CERS6: variants seen among roughly 807,000 people sequenced by gnomAD.
CERS6 encodes the protein ceramide synthase 6.
Under a neutral mutation model 56.8 loss-of-function variants are expected in CERS6, and 26 were observed. That is an observed-to-expected ratio of 0.46 (90% CI 0.34 to 0.63). The LOEUF (loss-of-function observed/expected upper bound fraction) is 0.63, where lower values mean the gene tolerates loss of function less well. CERS6 is among the 30% of genes least tolerant of loss of function. CERS6 has a pLI of 0.01. For synonymous variants in CERS6, 164 were observed against 173.3 expected, an observed-to-expected ratio of 0.95 and a Z score of 0.42; for missense variants, 415 against 467.5, an observed-to-expected ratio of 0.89 and a Z score of 1.04.
At chr2:168,465,386 C>T (rs891551103) in intron 1 of CERS6, among the ~76,000 whole-genome samples, 1 of 152,150 alleles carries the variant, frequency 6.6e-6, no homozygotes, top group African/African-American at 2.4e-5. Flanking sequence ...GCTCTGGGGC[C>T]ACTTCACTAA....
intron 1 of CERS6, among the ~76,000 whole-genome samples, chr2:168,466,745 C>T (rs904998502): frequency 1.3e-5 from 2 of 152,176 alleles, no homozygotes; most frequent in African/African-American, 4.8e-5. Flanking sequence ...TTGGACCACT[C>T]CTGCCTTCTA....
intron 8 of CERS6, among the ~76,000 whole-genome samples, chr2:168,732,231 T>C (rs546414051): frequency 6.6e-6 from 1 of 152,334 alleles, no homozygotes; most frequent in African/African-American, 2.4e-5. Context: ...CCTGAAGCAC[T>C]GTTATAATGG....
chr2:168,651,947 A>G (rs1408098497), intron 4 of CERS6, among the ~76,000 whole-genome samples: 4 of 152,170 alleles, frequency 2.6e-5, no homozygotes, highest in Non-Finnish European at 5.9e-5. Context: ...TTGATAATTT[A>G]TTAGCTGGTA....
intron 8 of CERS6, among the ~76,000 whole-genome samples, chr2:168,727,578 C>T (rs1251240548): frequency 6.6e-6 from 1 of 151,706 alleles, no homozygotes; most frequent in Admixed American, 6.6e-5. Context: ...ACAGAGGAGA[C>T]TCAGTCATCC....
chr2:168,701,063 T>G (rs1304070712), intron 6 of CERS6, among the ~76,000 whole-genome samples: 1 of 152,130 alleles, frequency 6.6e-6, no homozygotes, highest in Admixed American at 6.5e-5. Context: ...GGCTCCCACT[T>G]CTAGCACAGT....
chr2:168,544,048 T>A (rs1168840649), intron 1 of CERS6, among the ~76,000 whole-genome samples: 1 of 152,216 alleles, frequency 6.6e-6, no homozygotes, highest in African/African-American at 2.4e-5. Flanking sequence ...ACTCACTGAG[T>A]ACCCACAGTG....
intron 3 of CERS6, among the ~76,000 whole-genome samples, chr2:168,616,191 A>G (rs1485999449): frequency 6.6e-6 from 1 of 152,242 alleles, no homozygotes; most frequent in East Asian, 1.9e-4. Context: ...GCCATTACCA[A>G]GCCAGCACTT....
chr2:168,495,405 C>T (rs143192020), intron 1 of CERS6, among the ~76,000 whole-genome samples: 3 of 152,288 alleles, frequency 2.0e-5, no homozygotes, highest in East Asian at 1.9e-4. Flanking sequence ...AAAGACTGGT[C>T]GGAGTTGTAA....
At chr2:168,511,703 C>T (rs1694790124) in intron 1 of CERS6, among the ~76,000 whole-genome samples, 1 of 152,062 alleles carries the variant, frequency 6.6e-6, no homozygotes, top group Non-Finnish European at 1.5e-5. Context: ...CTCAATTAAT[C>T]CTGTTTTTCT....
intron 8 of CERS6, among the ~76,000 whole-genome samples, chr2:168,720,809 C>T (rs1687345689): frequency 6.6e-6 from 1 of 152,098 alleles, no homozygotes; most frequent in African/African-American, 2.4e-5. Flanking sequence ...AAAAAAAGAA[C>T]AGTAACTCAA....
In CERS6 at chr2:168,774,218, T is replaced by C. The variant is rs1369577758; in HGVS notation, c.*4556T>C. The C allele has an allele frequency of 1.3e-5, 2 of 152,148 alleles. No homozygotes were observed. The highest frequency in any genetic ancestry group is 4.8e-5 in the African/African-American group (2 of 41,430). The allele number at this position is 152,148 out of a possible 1,614,324, so 9.4% of individuals were successfully genotyped here. On this transcript the variant is annotated 3_prime_UTR_variant, in exon 10 of 10. Coordinates refer to ENST00000305747, the MANE Select transcript of CERS6 (RefSeq NM_203463.3). ...TCCACAAAACTAGGCATTCTGGAGA[T>C]TGCCCAGAAAGGGATGTGAGGGGAC...
intron 8 of CERS6, among the ~76,000 whole-genome samples, chr2:168,745,324 G>C (rs189285410): frequency 1.4e-3 from 206 of 151,886 alleles, no homozygotes; most frequent in African/African-American, 4.0e-3. Context: ...TCACTGCAAG[G>C]TCCGCCTCCT....
intron 3 of CERS6, among the ~76,000 whole-genome samples, chr2:168,616,514 A>G (rs979627549): frequency 5.9e-5 from 9 of 152,254 alleles, no homozygotes; most frequent in African/African-American, 2.2e-4. Flanking sequence ...AAGGACTCAC[A>G]TAAACTTAAG....
chr2:168,744,147 A>G (rs1367664216), intron 8 of CERS6, among the ~76,000 whole-genome samples: 2 of 150,916 alleles, frequency 1.3e-5, no homozygotes, highest in Non-Finnish European at 3.0e-5. Context: ...CTGGGACTAC[A>G]GGCACCCACC....
chr2:168,463,266 G>A (rs1344326766), intron 1 of CERS6, among the ~76,000 whole-genome samples: 1 of 152,036 alleles, frequency 6.6e-6, no homozygotes, highest in Non-Finnish European at 1.5e-5. Context: ...TATATATATG[G>A]TTTTATATTT....
At chr2:168,477,875 G>GT (rs1319745787) in intron 1 of CERS6, among the ~76,000 whole-genome samples, 3 of 152,118 alleles carry the variant, frequency 2.0e-5, no homozygotes, top group African/African-American at 7.2e-5. Context: ...ATTTTTATAT[G>GT]TTTTAAAGCC....
intron 8 of CERS6, among the ~76,000 whole-genome samples, chr2:168,721,620 TAA>T (rs537701230): frequency 2.3e-5 from 3 of 129,628 alleles, no homozygotes; most frequent in African/African-American, 5.7e-5. Flanking sequence ...TGGTAGTGTT[TAA>T]AAAAAAAAAA....
intron 2 of CERS6, among the ~76,000 whole-genome samples, chr2:168,559,730 G>GCATTATATATATATATATATATATATA (rs1695749684): frequency 1.3e-4 from 1 of 7,844 alleles, no homozygotes; most frequent in African/African-American, 8.5e-4. Context: ...TTTTAGAAAG[G>GCATTATATATATATATATATATATATA]TATCATATAT....
chr2:168,716,044 A>C (rs1312932940), intron 7 of CERS6, among the ~76,000 whole-genome samples: 5 of 152,122 alleles, frequency 3.3e-5, no homozygotes, highest in Admixed American at 2.6e-4. Flanking sequence ...CTGTTATTGC[A>C]ATATAAGCAG....
Sources: allele counts gnomAD v4.1 joint callset (sites outside exome capture counted in the v4.1 genomes callset), GRCh38; gene constraint gnomAD v4.1.1; transcripts MANE v1.5; gene names NCBI Gene and HGNC (gene_info 2026-07-23, HGNC 2026-07-21).